Variants in PECAM1 observed in about 807,000 individuals in gnomAD.
PECAM1 encodes the protein platelet endothelial cell adhesion molecule.
In PECAM1, 8 loss-of-function variants were observed where a neutral mutation model predicts 13.8. The ratio of observed to expected loss-of-function variants is 0.58; its 90% confidence interval spans 0.34 to 1.05. The LOEUF (loss-of-function observed/expected upper bound fraction) is 1.05. PECAM1 is among the 50% of genes least tolerant of loss of function. The pLI, the probability that PECAM1 is intolerant of heterozygous loss-of-function variation, is 0.03. For synonymous variants in PECAM1, 136 were observed against 52.6 expected (o/e 2.58, Z -6.86); for missense variants, 304 against 141.2 (o/e 2.15, Z -5.84).
At chr17:64,350,643 CTTT>C (rs869084700) in intron 11 of PECAM1, among the ~76,000 whole-genome samples, 1 of 51,128 alleles carries the variant, frequency 2.0e-5, no homozygotes. Context: ...TTCTTTCTTT[CTTT>C]TTTTTTTTTT....
At chr17:64,371,130 G>GA (rs1412231462) in intron 4 of PECAM1, among the ~76,000 whole-genome samples, 1 of 152,020 alleles carries the variant, frequency 6.6e-6, no homozygotes, top group Non-Finnish European at 1.5e-5. Context: ...AATGCAGAGG[G>GA]AAAAAAATGA....
chr17:64,388,664 C>A (rs1225264305), intron 2 of PECAM1, among the ~76,000 whole-genome samples: 1 of 152,022 alleles, frequency 6.6e-6, no homozygotes, highest in Non-Finnish European at 1.5e-5. Context: ...TCGGTTCTTT[C>A]TTTCTTTCTT....
intron 15 of PECAM1, among the ~76,000 whole-genome samples, chr17:64,325,698 C>T (rs976132358): frequency 1.3e-5 from 2 of 152,210 alleles, no homozygotes; most frequent in Admixed American, 1.3e-4. Context: ...AATAGCACCC[C>T]TGCACTCCAG....
intron 3 of PECAM1, among the ~76,000 whole-genome samples, chr17:64,376,834 G>A (rs1362124358): frequency 6.6e-6 from 1 of 152,130 alleles, no homozygotes; most frequent in Non-Finnish European, 1.5e-5. Context: ...AAATTAGCCA[G>A]GCACAGTGGC....
chr17:64,347,146 A>G (rs1466693457), intron 13 of PECAM1, among the ~76,000 whole-genome samples: 2 of 152,108 alleles, frequency 1.3e-5, no homozygotes, highest in African/African-American at 4.8e-5. Context: ...AAGTGGGCAG[A>G]TTGCTTGAGC....
intron 5 of PECAM1, among the ~76,000 whole-genome samples, chr17:64,368,343 T>C (rs1320931561): frequency 6.6e-6 from 1 of 152,028 alleles, no homozygotes; most frequent in Non-Finnish European, 1.5e-5. Context: ...TAGAGGGAAA[T>C]AAAGCCAGGT....
intron 13 of PECAM1, among the ~76,000 whole-genome samples, chr17:64,346,164 C>T (rs1415366311): frequency 1.1e-4 from 16 of 152,246 alleles, no homozygotes; most frequent in Non-Finnish European, 1.6e-4. Flanking sequence ...GGAAGGGAGA[C>T]AGATGGCAAT....
intron 5 of PECAM1, among the ~76,000 whole-genome samples, chr17:64,366,626 A>G (rs1221277822): frequency 6.6e-6 from 1 of 152,088 alleles, no homozygotes; most frequent in African/African-American, 2.4e-5. Flanking sequence ...CATATACACC[A>G]TGGAATACTA....
intron 6 of PECAM1, among the ~76,000 whole-genome samples, chr17:64,361,481 C>T (rs1307545207): frequency 2.7e-5 from 4 of 150,186 alleles, no homozygotes; most frequent in East Asian, 4.2e-4. Context: ...CAGCCAGTCA[C>T]GGTGGCTCAT....
chr17:64,382,385 C>G (rs1387425256), intron 2 of PECAM1, among the ~76,000 whole-genome samples: 1 of 152,264 alleles, frequency 6.6e-6, no homozygotes, highest in African/African-American at 2.4e-5. Context: ...TTTCTCTGAG[C>G]CTCAGTTTGC....
chr17:64,388,644 C>T (rs1243873524), intron 2 of PECAM1, among the ~76,000 whole-genome samples: 1 of 152,078 alleles, frequency 6.6e-6, no homozygotes, highest in South Asian at 2.1e-4. Context: ...CTGCCTCTCT[C>T]GTGGACAAAT....
In PECAM1 at chr17:64,320,037, G is replaced by C. The variant is rs2034789735; in HGVS notation, c.*3779C>G. The C allele has an allele frequency of 6.6e-6, 1 of 152,238 alleles. No homozygotes were observed. Among genetic ancestry groups the C allele is most frequent in the Admixed American group, 6.6e-5 (1 of 15,266 alleles). 9.4% of individuals were successfully genotyped at this position (152,238 alleles called of 1,614,324 possible). A position where few individuals can be genotyped will look rare whatever the true frequency, so the allele number is the denominator to read the frequency against. On this transcript the variant is annotated 3_prime_UTR_variant, in exon 16 of 16. Coordinates refer to ENST00000563924, the MANE Select transcript of PECAM1 (RefSeq NM_000442.5). ...TTCCACTCTGTGGACCCCAGGTTGAGATCTTCTGCAGGGAAGACTGTCCTC... is the reference window on the plus strand; with the variant it reads ...TTCCACTCTGTGGACCCCAGGTTGACATCTTCTGCAGGGAAGACTGTCCTC...
In PECAM1 at chr17:64,321,868, G is replaced by A; in HGVS notation, c.*1948C>T. 1 of 1,350,190 alleles carries A rather than the reference G, an allele frequency of 7.4e-7. No individual in the cohort carries two copies. The highest frequency in any genetic ancestry group is 9.8e-7 in the Non-Finnish European group (1 of 1,020,192). 83.6% of individuals were successfully genotyped at this position (1,350,190 alleles called of 1,614,324 possible). ...GTGGCAATTGCCCTTCTCTGGTGGTGGCAAGGGACTAAGGAACTCCCTGGA... is the reference window on the plus strand; with the variant it reads ...GTGGCAATTGCCCTTCTCTGGTGGTAGCAAGGGACTAAGGAACTCCCTGGA... On this transcript the variant is annotated 3_prime_UTR_variant, in exon 16 of 16. Transcript: ENST00000563924.
chr17:64,366,195 T>C (rs1459637264), intron 5 of PECAM1, among the ~76,000 whole-genome samples: 14 of 143,268 alleles, frequency 9.8e-5, no homozygotes, highest in African/African-American at 2.5e-5. Flanking sequence ...AAAGAAGACA[T>C]TTATACAGCC....
intron 14 of PECAM1, among the ~76,000 whole-genome samples, chr17:64,331,199 C>CTT (rs10708569): frequency 7.7e-5 from 11 of 142,442 alleles, no homozygotes; most frequent in Non-Finnish European, 1.5e-4. Flanking sequence ...ACACCACCTT[C>CTT]TTTTTTTTTT....
intron 14 of PECAM1, among the ~76,000 whole-genome samples, chr17:64,332,452 C>G (rs2035150983): frequency 6.6e-6 from 1 of 152,204 alleles, no homozygotes; most frequent in African/African-American, 2.4e-5. Context: ...GGATGGAACA[C>G]TTACTCCATG....
intron 4 of PECAM1, among the ~76,000 whole-genome samples, chr17:64,374,025 G>A (rs981614701): frequency 6.6e-6 from 1 of 152,208 alleles, no homozygotes; most frequent in East Asian, 1.9e-4. Context: ...TTTGTCCAAC[G>A]CAAATCTACG....
At chr17:64,383,334 A>G (rs1177572225) in intron 2 of PECAM1, among the ~76,000 whole-genome samples, 7 of 152,192 alleles carry the variant, frequency 4.6e-5, no homozygotes, top group Non-Finnish European at 1.0e-4. Context: ...GTCTCTGCCT[A>G]CGAAGTAGGA....
chr17:64,336,472 G>A (rs1477011184), intron 14 of PECAM1, among the ~76,000 whole-genome samples: 1 of 152,134 alleles, frequency 6.6e-6, no homozygotes, highest in Non-Finnish European at 1.5e-5. Flanking sequence ...CTGATTTTAT[G>A]TAGGGAGTGA....
Sources: gnomAD v4.1 joint callset for allele counts (sites outside exome capture counted in the v4.1 genomes callset) on GRCh38, gnomAD v4.1.1 for gene constraint, MANE v1.5 for transcripts, NCBI Gene and HGNC (gene_info 2026-07-23, HGNC 2026-07-21) for gene names.